The following AKNA variants were observed in gnomAD, a reference collection of about 807,000 sequenced individuals.
The protein encoded by AKNA is microtubule organization protein AKNA.
AKNA carries 67 observed loss-of-function variants against 138.8 expected under a neutral mutation model. The observed-to-expected ratio is 0.48, with a 90% CI of 0.40 to 0.59. AKNA has a LOEUF of 0.59. Ranked by LOEUF, AKNA falls within the 20% of genes least tolerant of loss-of-function variation. The probability of loss-of-function intolerance (pLI) is 0.00; values close to 1 mark genes in which losing one functional copy is unlikely to be tolerated. For synonymous variants in AKNA, 737 were observed against 754.4 expected, an observed-to-expected ratio of 0.98 and a Z score of 0.38; for missense variants, 1,813 against 1,880.4, an observed-to-expected ratio of 0.96 and a Z score of 0.66.
chr9:114,340,857 GTCTGAGGA>G (rs1830293486), intron 21 of AKNA, among the ~76,000 whole-genome samples: 1 of 152,212 alleles, frequency 6.6e-6, no homozygotes, highest in Non-Finnish European at 1.5e-5. Context: ...AACAAGGAAG[GTCTGAGGA>G]TCTGTCACAG....
chr9:114,360,812 T>C (rs1831892337), intron 9 of AKNA, among the ~76,000 whole-genome samples: 1 of 152,196 alleles, frequency 6.6e-6, no homozygotes, highest in Non-Finnish European at 1.5e-5. Context: ...TTTGCTCGCC[T>C]GCAAAACGGA....
At chr9:114,396,831 GACTGAGGAA>G (rs1834549194), upstream of AKNA, 1 of 152,156 alleles carries the variant, frequency 6.6e-6, no homozygotes, top group Non-Finnish European at 1.5e-5. Context: ...CACCTTCCAG[GACTGAGGAA>G]ACATAAAAAG....
In AKNA at chr9:114,350,904, G is replaced by A; in HGVS notation, c.3176C>T (p.Pro1059Leu). 6.2e-7 allele frequency: 1 copy of A among 1,604,688 alleles called. No individual in the cohort carries two copies. The highest frequency in any genetic ancestry group is 1.3e-5 in the African/African-American group (1 of 74,698). Residue 1059 changes from proline (P) to leucine (L), a missense_variant, in exon 15 of 22, where the codon CCA becomes CTA. Pro to Leu is a moderately conservative substitution (Grantham distance 98). Transcript: ENST00000374088. ...CAGGAAGCTGGGGATGGTCTCTGTT[G>A]GTCCACAGGGTAGAGGCGCAGCGGC... ...APAAAPLPCG[P>L]TETIPSFLLT...
intron 9 of AKNA, 88 bp from the exon 10 acceptor site, chr9:114,360,150 G>A: frequency 6.5e-7 from 1 of 1,545,686 alleles, no homozygotes; most frequent in Non-Finnish European, 8.9e-7. Context: ...CTCGAGCTGT[G>A]GGCTGCGGGG....
At position 114,335,595 on chromosome 9, in the gene AKNA, A is replaced by T. The variant is rs964162338; in HGVS notation, c.*1459T>A. The stretch of plus-strand genomic sequence containing the variant: ...AAGATCAGCCCGACCAACATGGAGA[A>T]ACCCTGTCTCTACTAAAAATACAAA... On this transcript the variant is annotated 3_prime_UTR_variant, in exon 22 of 22. Coordinates refer to ENST00000374088, the MANE Select transcript of AKNA (RefSeq NM_001317950.2). 2 of 152,104 alleles carry T rather than the reference A, an allele frequency of 1.3e-5. No homozygotes were observed. 9.4% of individuals were successfully genotyped at this position (152,104 alleles called of 1,614,324 possible). A position where few individuals can be genotyped will look rare whatever the true frequency, so the allele number is the denominator to read the frequency against.
Position 114,364,630 on chromosome 9 carries a change from G to A in AKNA, c.1729-11C>T. The A allele has an allele frequency of 6.2e-7, 1 of 1,613,776 alleles. No individual in the cohort carries two copies. Among genetic ancestry groups the A allele is most frequent in the Non-Finnish European group, 8.5e-7 (1 of 1,179,896 alleles). On this transcript the variant is annotated splice_polypyrimidine_tract_variant and intron_variant, in intron 6 of 21. Transcript: ENST00000374088. ...TTCAAAGGACTCCACCTGGACATTG[G>A]GAGGGGAAGGAAATATGCTCCATTA...
Position 114,355,921 on chromosome 9 carries a change from T to G in AKNA, c.3058+4A>C. The G allele has an allele frequency of 6.2e-7, 1 of 1,614,200 alleles. No individual in the cohort carries two copies. Among genetic ancestry groups the G allele is most frequent in the Non-Finnish European group, 8.5e-7 (1 of 1,180,012 alleles). On this transcript the variant is annotated splice_donor_region_variant and intron_variant, in intron 14 of 21. Coordinates refer to ENST00000374088, the MANE Select transcript of AKNA (RefSeq NM_001317950.2). The stretch of plus-strand genomic sequence containing the variant: ...TTCTGTCCAAGTCAGACTCCTGCAC[T>G]CACCCATCTCGGCTGCCAGTGTCCG...
At chr9:114,368,387 C>T in intron 5 of AKNA, 52 bp downstream of exon 5, 1 of 1,308,124 alleles carries the variant, frequency 7.6e-7, no homozygotes, top group African/African-American at 1.5e-5. Flanking sequence ...TCCCACAGAG[C>T]AGAATCCCAG....
At chr9:114,398,074 C>T (rs1216684192), upstream of AKNA, among the ~76,000 whole-genome samples, 1 of 152,078 alleles carries the variant, frequency 6.6e-6, no homozygotes, top group Non-Finnish European at 1.5e-5. This position sits in a 1 kb window ranked among gnomAD's most constrained non-coding sequence, Gnocchi z 4.2. Context: ...CCGAGCTCCC[C>T]CGGGACCCCT....
chr9:114,330,509 G>A, downstream of AKNA: 3 of 1,611,864 alleles, frequency 1.9e-6, no homozygotes, highest in Non-Finnish European at 2.5e-6. Context: ...GGAGATCCAA[G>A]CAACCTTCTT....
intron 1 of AKNA, among the ~76,000 whole-genome samples, chr9:114,383,775 G>C (rs1185733882): frequency 6.6e-6 from 1 of 152,218 alleles, no homozygotes; most frequent in Non-Finnish European, 1.5e-5. Flanking sequence ...AAGTTCCCCA[G>C]GGAACAGTGC....
At chr9:114,370,375 C>A (rs1052946464) in intron 4 of AKNA, among the ~76,000 whole-genome samples, 1 of 152,226 alleles carries the variant, frequency 6.6e-6, no homozygotes, top group Non-Finnish European at 1.5e-5. Flanking sequence ...CCCCAGACCC[C>A]TCTCTCAGCC....
At chr9:114,388,015 C>T (rs866935609), upstream of AKNA, 2 of 324,708 alleles carry the variant, frequency 6.2e-6, no homozygotes, top group South Asian at 4.2e-5. Flanking sequence ...AGACCAGCAT[C>T]GCTCCCCACC....
Position 114,376,724 on chromosome 9 carries a change from G to C in AKNA, c.1083C>G (p.Phe361Leu). The stretch of plus-strand genomic sequence containing the variant: ...ATCTCACCCGGGGCCCTACCTTGGA[G>C]AAATCAGGGAGTGGGTAGTTCAACT... ...RGQLNYPLPD[F>L]SKVGPRVRFP... Residue 361 changes from phenylalanine to leucine, a missense_variant, in exon 3 of 22, where the codon TTC becomes TTG. Transcript: ENST00000374088. 6.2e-7 allele frequency: 1 copy of C among 1,612,774 alleles called. No individual in the cohort carries two copies. Among genetic ancestry groups the C allele is most frequent in the Non-Finnish European group, 8.5e-7 (1 of 1,179,342 alleles).
Position 114,377,270 on chromosome 9 carries a change from A to C in AKNA, c.537T>G (p.Ser179Arg). 1 of 1,614,180 alleles carries C rather than the reference A, an allele frequency of 6.2e-7. No homozygotes were observed. Among genetic ancestry groups the C allele is most frequent in the Non-Finnish European group, 8.5e-7 (1 of 1,180,014 alleles). Residue 179 changes from serine to arginine, a missense_variant, in exon 3 of 22, where the codon AGT (serine) becomes AGG (arginine). Ser to Arg is a moderately radical substitution (Grantham distance 110, BLOSUM62 -1). Coordinates refer to ENST00000374088, the MANE Select transcript of AKNA (RefSeq NM_001317950.2). ...RGWVASGEQA[S>R]GDKLSEHSEV... ...CGGAATGTTCAGAAAGTTTGTCCCC[A>C]CTGGCTTGTTCGCCAGAAGCCACCC... is the stretch of plus-strand genomic sequence containing the variant.
chr9:114,348,887 C>CTGG, intron 15 of AKNA: 1 of 456,338 alleles, frequency 2.2e-6, no homozygotes, highest in Non-Finnish European at 4.4e-6. Context: ...CCGTTCTTGC[C>CTGG]TGGTGGCCCC....
chr9:114,380,989 A>AG, intron 2 of AKNA, 71 bp downstream of exon 2: 1 of 1,393,242 alleles, frequency 7.2e-7, no homozygotes, highest in Non-Finnish European at 9.2e-7. Flanking sequence ...CTCAAAAAAA[A>AG]AAAAAAAAAA....
Position 114,368,525 on chromosome 9 carries a change from T to G in AKNA, c.1487A>C (p.Lys496Thr). The change falls in exon 5 of 22, where the codon AAG becomes ACG. Residue 496 changes from lysine to threonine, a missense_variant. Physicochemically the swap from Lys to Thr is moderately conservative, Grantham distance 78. Transcript: ENST00000374088. ...IHTGMVPQGTKVLSFTIPQPR... is the reference protein window; with the variant it reads ...IHTGMVPQGTTVLSFTIPQPR... ...CTGTGGGATGGTGAAGGACAAGACC[T>G]TGGTCCCCTGGGGCACCATTCCCGT... The G allele has an allele frequency of 7.2e-7, 1 of 1,379,578 alleles. No individual in the cohort carries two copies. The highest frequency in any genetic ancestry group is 1.5e-5 in the African/African-American group (1 of 67,060). The allele number at this position is 1,379,578 out of a possible 1,614,324, so 85.5% of individuals were successfully genotyped here.
rs1833942714 is a variant in AKNA, at chr9:114,385,180, T to C, written c.-114+2680A>G. 2.6e-5 allele frequency among the ~76,000 whole-genome samples: 4 copies of C among 152,240 alleles called. No individual in the cohort carries two copies. In the South Asian group the frequency reaches 8.3e-4, roughly 32 times the overall value. ...TCAACTATATTTTAAATAGAAGCTC[T>C]AATCCTTGCTTCTCATACCTTCTGC... On this transcript the variant is annotated intron_variant, in intron 1 of 21. Coordinates refer to ENST00000374088, the MANE Select transcript of AKNA (RefSeq NM_001317950.2).
Sources: gnomAD v4.1 joint callset for allele counts (sites outside exome capture counted in the v4.1 genomes callset) on GRCh38, gnomAD v4.1.1 for gene constraint, Gnocchi (gnomAD v3.1) non-coding constraint, MANE v1.5 for transcripts, NCBI Gene and HGNC (gene_info 2026-07-23, HGNC 2026-07-21) for gene names.